The following FUT8 variants were observed in gnomAD, a reference collection of about 807,000 sequenced individuals.
FUT8 encodes the protein fucosyltransferase 8, also known as alpha-(1,6)-fucosyltransferase.
A neutral mutation model predicts 71.3 loss-of-function variants in FUT8; 29 were observed. The observed-to-expected ratio is 0.41, with a 90% confidence interval of 0.30 to 0.55. The LOEUF (loss-of-function observed/expected upper bound fraction) is 0.55. FUT8 is among the 20% of genes least tolerant of loss of function. The probability of loss-of-function intolerance (pLI) is 0.34; values close to 1 mark genes in which losing one functional copy is unlikely to be tolerated. For synonymous variants in FUT8, 254 were observed against 239.3 expected (o/e 1.06, Z -0.57); for missense variants, 544 against 702.1 (o/e 0.77, Z 2.55).
Position 65,724,229 on chromosome 14 carries a change from C to A in FUT8, c.1165C>A (p.His389Asn). 6.2e-7 allele frequency: 1 copy of A among 1,613,572 alleles called. No homozygotes were observed. The highest frequency in any genetic ancestry group is 8.5e-7 in the Non-Finnish European group (1 of 1,179,806). ...AGAGTACATGGTGCATGTTGAAGAA[C>A]ATTTTCAGCTTCTTGCACGCAGAAT... ...IEEYMVHVEEHFQLLARRMQV... is the reference protein window; with the variant it reads ...IEEYMVHVEENFQLLARRMQV... The change falls in exon 9 of 11, where the codon CAT becomes AAT. Residue 389 changes from histidine to asparagine, a missense_variant. His to Asn is a moderately conservative substitution (Grantham distance 68). Transcript: ENST00000673929.
intron 5 of FUT8, among the ~76,000 whole-genome samples, chr14:65,625,892 G>A (rs1332831352): frequency 6.6e-6 from 1 of 152,156 alleles, no homozygotes; most frequent in Non-Finnish European, 1.5e-5. Flanking sequence ...AGACTTTCCT[G>A]TGGGCTGCCA....
chr14:65,466,156 T>C (rs912241327), intron 2 of FUT8, among the ~76,000 whole-genome samples: 3 of 152,224 alleles, frequency 2.0e-5, no homozygotes, highest in African/African-American at 7.2e-5. Context: ...ACTTTTAATC[T>C]GTCTTCATCT....
intron 2 of FUT8, chr14:65,529,498 G>T (rs1594742676): frequency 6.5e-6 from 1 of 152,880 alleles, no homozygotes; most frequent in Non-Finnish European, 1.5e-5. Context: ...CTTCCAAAGT[G>T]CTGGGATTAC....
intron 1 of FUT8, among the ~76,000 whole-genome samples, chr14:65,423,322 C>T (rs1045481377): frequency 4.7e-5 from 7 of 147,414 alleles, no homozygotes; most frequent in Admixed American, 1.4e-4. Flanking sequence ...AGTGCAGTGG[C>T]GCAATCTCTG....
chr14:65,692,334 C>T (rs572648006), intron 7 of FUT8, among the ~76,000 whole-genome samples: 134 of 144,592 alleles, frequency 9.3e-4, no homozygotes, highest in South Asian at 6.2e-3. Context: ...ACCTCCCAGA[C>T]GGGGCGGCTG....
chr14:65,510,733 A>G (rs945566332), intron 2 of FUT8, among the ~76,000 whole-genome samples: 3 of 152,100 alleles, frequency 2.0e-5, no homozygotes, highest in African/African-American at 7.2e-5. Context: ...AGTAGTAGCC[A>G]CTAATGATTC....
At chr14:65,692,955 C>T (rs1025402455) in intron 7 of FUT8, among the ~76,000 whole-genome samples, 6 of 151,502 alleles carry the variant, frequency 4.0e-5, no homozygotes, top group East Asian at 3.9e-4. Flanking sequence ...GGATGGTGGC[C>T]GGGAAGAGGC....
chr14:65,608,417 A>G (rs1447736940), intron 3 of FUT8, among the ~76,000 whole-genome samples: 1 of 151,888 alleles, frequency 6.6e-6, no homozygotes. Context: ...TTGATGGGAA[A>G]AGTTTAATTT....
intron 3 of FUT8, among the ~76,000 whole-genome samples, chr14:65,577,895 A>G (rs1886878602): frequency 6.6e-6 from 1 of 152,104 alleles, no homozygotes; most frequent in African/African-American, 2.4e-5. Flanking sequence ...GATTTTTAAA[A>G]CTGATGCTTC....
intron 1 of FUT8, among the ~76,000 whole-genome samples, chr14:65,420,402 C>T (rs1381822201): frequency 2.6e-5 from 4 of 152,014 alleles, no homozygotes; most frequent in Non-Finnish European, 4.4e-5. Context: ...CAGGTGTGAG[C>T]CACCAAACTT....
chr14:65,436,772 T>G (rs1369193743), intron 1 of FUT8, among the ~76,000 whole-genome samples: 2 of 152,218 alleles, frequency 1.3e-5, no homozygotes, highest in Non-Finnish European at 2.9e-5. Flanking sequence ...TTTTCTTTTT[T>G]CCTACTGGAG....
chr14:65,742,360 G>C lies in FUT8; in HGVS notation c.1678G>C (p.Glu560Gln). 6.2e-7 allele frequency: 1 copy of C among 1,612,716 alleles called. No individual in the cohort carries two copies. Residue 560 changes from glutamate (E) to glutamine (Q), a missense_variant, in exon 11 of 11, where the codon GAG (glutamate) becomes CAG (glutamine). Glu to Gln is a conservative substitution (Grantham distance 29). Transcript: ENST00000673929. ...CCTATATCCCTCCTACAAAGTTCGAGAGAAGATAGAAACGGTCAAGTACCC... is the reference window on the plus strand; with the variant it reads ...CCTATATCCCTCCTACAAAGTTCGACAGAAGATAGAAACGGTCAAGTACCC... ...TGLYPSYKVR[E>Q]KIETVKYPTY...
intron 3 of FUT8, among the ~76,000 whole-genome samples, chr14:65,613,237 A>G (rs1312154474): frequency 6.6e-6 from 1 of 152,162 alleles, no homozygotes; most frequent in Non-Finnish European, 1.5e-5. Flanking sequence ...AGGAGAACCT[A>G]GACATAATCT....
At chr14:65,629,425 A>G (rs1179505058) in intron 5 of FUT8, 67 bp from the exon 6 acceptor site, 2 of 955,174 alleles carry the variant, frequency 2.1e-6, no homozygotes, top group Admixed American at 3.9e-5. Context: ...CATTCTTCTT[A>G]AGACTTTGTG....
intron 6 of FUT8, among the ~76,000 whole-genome samples, chr14:65,639,795 T>C (rs1890744029): frequency 6.6e-6 from 1 of 152,152 alleles, no homozygotes; most frequent in African/African-American, 2.4e-5. Context: ...TTACCATCTC[T>C]AGGTTCATTT....
At chr14:65,729,555 G>T (rs1366632360) in intron 9 of FUT8, among the ~76,000 whole-genome samples, 1 of 147,906 alleles carries the variant, frequency 6.8e-6, no homozygotes, top group African/African-American at 2.5e-5. Context: ...TAAATACAGG[G>T]TCCAGGCTGG....
rs180884976 is a variant in FUT8, at chr14:65,696,072, C to T, written c.836-25703C>T. Among the ~76,000 whole-genome samples the T allele has an allele frequency of 5.4e-3, 825 of 152,138 alleles. 5 individuals carry two copies. Among genetic ancestry groups the T allele is most frequent in the Middle Eastern group, 0.014 (4 of 294 alleles). On this transcript the variant is annotated intron_variant, in intron 7 of 10. Transcript: ENST00000673929. ...CATCCCGTAAAGCATTACTATCATTCGTGTTAGTTATCCATAAGCTATGAT... is the reference window on the plus strand; with the variant it reads ...CATCCCGTAAAGCATTACTATCATTTGTGTTAGTTATCCATAAGCTATGAT...
intron 1 of FUT8, among the ~76,000 whole-genome samples, chr14:65,431,144 C>T (rs1035527857): frequency 3.3e-5 from 5 of 149,876 alleles, no homozygotes; most frequent in African/African-American, 9.8e-5. Context: ...TACAGGCATG[C>T]GCCACTATAC....
chr14:65,708,892 C>T (rs1344942841), intron 7 of FUT8, among the ~76,000 whole-genome samples: 3 of 152,018 alleles, frequency 2.0e-5, no homozygotes, highest in Non-Finnish European at 4.4e-5. Context: ...TGAAAGGGTA[C>T]AAAGTTTCAG....
Sources: gnomAD v4.1 joint callset for allele counts (sites outside exome capture counted in the v4.1 genomes callset) on GRCh38, gnomAD v4.1.1 for gene constraint, MANE v1.5 for transcripts, NCBI Gene and HGNC (gene_info 2026-07-23, HGNC 2026-07-21) for gene names.